The following BAIAP2L1 variants were observed in gnomAD, a reference collection of about 807,000 sequenced individuals.
BAIAP2L1 encodes BAR/IMD domain containing adaptor protein 2 like 1, also known as BAR/IMD domain-containing adapter protein 2-like 1.
Under a neutral mutation model 66.3 loss-of-function variants are expected in BAIAP2L1, and 35 were observed. The observed-to-expected ratio is 0.53, with a 90% CI of 0.40 to 0.70. The LOEUF (loss-of-function observed/expected upper bound fraction) is 0.70, where lower values mean the gene tolerates loss of function less well. BAIAP2L1 is among the 30% of genes least tolerant of loss of function. The pLI, the probability that BAIAP2L1 is intolerant of heterozygous loss-of-function variation, is 0.00. For synonymous variants in BAIAP2L1, 269 were observed against 248.7 expected (o/e 1.08, Z -0.77); for missense variants, 622 against 656.9 (o/e 0.95, Z 0.58).
chr7:98,397,316 C>G (rs915914265), intron 1 of BAIAP2L1, among the ~76,000 whole-genome samples: 1 of 134,936 alleles, frequency 7.4e-6, no homozygotes, highest in Admixed American at 8.3e-5. Flanking sequence ...ACTTCTTAAG[C>G]CCTTTTTTTT....
chr7:98,358,370 T>G (rs1802189778), intron 2 of BAIAP2L1, among the ~76,000 whole-genome samples: 1 of 152,052 alleles, frequency 6.6e-6, no homozygotes, highest in African/African-American at 2.4e-5. Context: ...GTTTTTTTTT[T>G]TTTAAGAGTC....
intron 1 of BAIAP2L1, among the ~76,000 whole-genome samples, chr7:98,375,906 C>T (rs1802616310): frequency 6.6e-6 from 1 of 152,118 alleles, no homozygotes; most frequent in Non-Finnish European, 1.5e-5. Context: ...CTGGGGGAGC[C>T]ACTAATTCAG....
intron 1 of BAIAP2L1, among the ~76,000 whole-genome samples, chr7:98,391,048 T>C (rs1025703308): frequency 6.6e-6 from 1 of 151,502 alleles, no homozygotes; most frequent in Non-Finnish European, 1.5e-5. Context: ...TTCACCATGT[T>C]GGCCAGGATG....
chr7:98,353,524 T>TTTATAAATATACATATATTTATA (rs1430477670), intron 3 of BAIAP2L1, among the ~76,000 whole-genome samples: 1 of 135,276 alleles, frequency 7.4e-6, no homozygotes, highest in East Asian at 2.0e-4. Flanking sequence ...TACACATATA[T>TTTATAAATATACATATATTTATA]TTATAAATAT....
In BAIAP2L1 at chr7:98,376,438, G is replaced by A. The variant is rs543204316; in HGVS notation, c.52-14006C>T. Among the ~76,000 whole-genome samples the A allele has an allele frequency of 2.3e-4, 35 of 152,160 alleles. No homozygotes were observed. The South Asian group carries it at 7.1e-3, about 31-fold the overall frequency. The stretch of plus-strand genomic sequence containing the variant: ...AGATGGGAGAATTGCTTGAGCCAGA[G>A]AGGTCGAGGTCACAGCGAGCCACGA... On this transcript the variant is annotated intron_variant, in intron 1 of 13. Transcript: ENST00000005260.
rs1160377095 is a variant in BAIAP2L1, at chr7:98,389,356, T to C, written c.51+11446A>G. Among the ~76,000 whole-genome samples, 33 of 152,062 alleles carry C rather than the reference T, an allele frequency of 2.2e-4. 1 individual carries two copies. Among genetic ancestry groups the C allele is most frequent in the Admixed American group, 6.6e-5 (1 of 15,250 alleles). On this transcript the variant is annotated intron_variant, in intron 1 of 13. Coordinates refer to ENST00000005260, the MANE Select transcript of BAIAP2L1 (RefSeq NM_018842.5). ...TTTTTTGAGACAGAGTCTCACTCTG[T>C]CACCCAGGCTGGAGTGCAGTGGCAC...
At chr7:98,305,111 G>T (rs1398503567) in intron 11 of BAIAP2L1, among the ~76,000 whole-genome samples, 2 of 120,834 alleles carry the variant, frequency 1.7e-5, no homozygotes, top group African/African-American at 6.5e-5. Flanking sequence ...GGCTAGTCTT[G>T]AACTCTTGAT....
At chr7:98,307,589 C>T (rs1800705461) in intron 10 of BAIAP2L1, 100 bp downstream of exon 10, 2 of 1,529,248 alleles carry the variant, frequency 1.3e-6, no homozygotes, top group Non-Finnish European at 1.8e-6. Flanking sequence ...TTAACTTTGG[C>T]TAAAATGTGA....
At chr7:98,336,232 C>T (rs545485519) in intron 3 of BAIAP2L1, among the ~76,000 whole-genome samples, 1 of 152,214 alleles carries the variant, frequency 6.6e-6, no homozygotes, top group African/African-American at 2.4e-5. Flanking sequence ...AGTCATACTC[C>T]AAACCTTGGC....
chr7:98,382,705 A>G (rs1020119302), intron 1 of BAIAP2L1, among the ~76,000 whole-genome samples: 16 of 152,204 alleles, frequency 1.1e-4, no homozygotes, highest in African/African-American at 3.4e-4. Flanking sequence ...AGCTTTGGCA[A>G]TTAGCAAGCT....
chr7:98,350,797 G>A (rs1490409703), intron 3 of BAIAP2L1, among the ~76,000 whole-genome samples: 1 of 152,182 alleles, frequency 6.6e-6, no homozygotes, highest in East Asian at 1.9e-4. Flanking sequence ...TGGAAAGGAT[G>A]GCTGTGGTCT....
At chr7:98,305,362 TAA>T (rs1800615220) in intron 11 of BAIAP2L1, among the ~76,000 whole-genome samples, 1 of 151,978 alleles carries the variant, frequency 6.6e-6, no homozygotes. Context: ...TTTAACATCC[TAA>T]AAGTGTTACT....
chr7:98,388,913 G>T (rs571596548), intron 1 of BAIAP2L1, among the ~76,000 whole-genome samples: 1 of 151,660 alleles, frequency 6.6e-6, no homozygotes, highest in Admixed American at 6.6e-5. Flanking sequence ...CGTTGAGGCT[G>T]CAGTGAGCCA....
intron 3 of BAIAP2L1, among the ~76,000 whole-genome samples, chr7:98,353,996 AAAT>A (rs1802065173): frequency 9.7e-6 from 1 of 102,878 alleles, no homozygotes; most frequent in Non-Finnish European, 2.5e-5. Context: ...AAATAAAATA[AAAT>A]AAAATAAAAA....
intron 11 of BAIAP2L1, among the ~76,000 whole-genome samples, chr7:98,305,634 G>A (rs945816421): frequency 4.6e-5 from 7 of 152,086 alleles, no homozygotes; most frequent in Non-Finnish European, 8.8e-5. Context: ...TGTTGCGCAG[G>A]CTGGTCCTGA....
intron 1 of BAIAP2L1, among the ~76,000 whole-genome samples, chr7:98,385,160 T>C (rs1802857294): frequency 6.6e-6 from 1 of 151,670 alleles, no homozygotes; most frequent in Non-Finnish European, 1.5e-5. Flanking sequence ...ATACAAAAAT[T>C]AGCCAGGCAT....
At chr7:98,377,638 G>C (rs1352490181) in intron 1 of BAIAP2L1, among the ~76,000 whole-genome samples, 1 of 150,454 alleles carries the variant, frequency 6.6e-6, no homozygotes, top group Non-Finnish European at 1.5e-5. Context: ...GGCTAACATG[G>C]TGAAACCCCA....
At chr7:98,398,306 T>A (rs3801251) in intron 1 of BAIAP2L1, among the ~76,000 whole-genome samples, 1 of 151,910 alleles carries the variant, frequency 6.6e-6, no homozygotes, top group Non-Finnish European at 1.5e-5. Context: ...GGGGCAGGGC[T>A]GGATAGGGGG....
chr7:98,382,802 TA>T (rs924475193), intron 1 of BAIAP2L1, among the ~76,000 whole-genome samples: 14 of 152,338 alleles, frequency 9.2e-5, no homozygotes, highest in African/African-American at 3.4e-4. Context: ...AAGCAGGTTT[TA>T]AATTCTGAAC....
Sources: allele counts gnomAD v4.1 joint callset (sites outside exome capture counted in the v4.1 genomes callset), GRCh38; gene constraint gnomAD v4.1.1; transcripts MANE v1.5; gene names NCBI Gene and HGNC (gene_info 2026-07-23, HGNC 2026-07-21).